Variants in H2BC18 observed in about 807,000 individuals in gnomAD.
H2BC18 encodes histone H2B type 2-F.
In H2BC18, 8 loss-of-function variants were observed where a neutral mutation model predicts 6.3. The ratio of observed to expected loss-of-function variants is 1.28; its 90% CI spans 0.75 to 2.31. The LOEUF (loss-of-function observed/expected upper bound fraction) is 2.31. Among genes scored for constraint, H2BC18 ranks in the 30% most tolerant of loss-of-function variants. The pLI, the probability that H2BC18 is intolerant of heterozygous loss-of-function variation, is 0.00. For synonymous variants in H2BC18, 104 were observed against 78.1 expected (o/e 1.33, Z -1.75); for missense variants, 106 against 174.5 (o/e 0.61, Z 2.21).
At chr1:149,784,097 T>C (rs782072609) in intron 1 of H2BC18, 1 of 1,611,546 alleles carries the variant, frequency 6.2e-7, no homozygotes, top group Non-Finnish European at 8.5e-7. Context: ...TCCATCTGCC[T>C]GGGAGCAGCT....
At chr1:149,804,842 C>T (rs1405640186) in intron 1 of H2BC18, among the ~76,000 whole-genome samples, 1 of 151,830 alleles carries the variant, frequency 6.6e-6, no homozygotes, top group Admixed American at 6.6e-5. Context: ...GGAAGCTATA[C>T]TCAAAGCTGA....
At chr1:149,803,269 T>A (rs2091889950) in intron 1 of H2BC18, among the ~76,000 whole-genome samples, 1 of 151,942 alleles carries the variant, frequency 6.6e-6, no homozygotes, top group Non-Finnish European at 1.5e-5. Flanking sequence ...ATCAAAACAT[T>A]GCAAAGGTGG....
At chr1:149,806,768 T>TG (rs1472375518) in intron 1 of H2BC18, among the ~76,000 whole-genome samples, 1 of 152,154 alleles carries the variant, frequency 6.6e-6, no homozygotes, top group Non-Finnish European at 1.5e-5. Context: ...TATCTAGGGA[T>TG]GAGCCTTTGA....
chr1:149,810,473 C>T (rs1216853540), downstream of H2BC18: 1 of 151,946 alleles, frequency 6.6e-6, no homozygotes, highest in Non-Finnish European at 1.5e-5. Flanking sequence ...TAGTAAAATT[C>T]ATTTTAAGCA....
chr1:149,784,228 G>C (rs1445953784), intron 1 of H2BC18: 5 of 1,611,056 alleles, frequency 3.1e-6, no homozygotes, highest in Non-Finnish European at 3.4e-6. Context: ...TCAGGGCGAA[G>C]TGACCCCATA....
At chr1:149,793,016 C>A in intron 1 of H2BC18, 2 of 1,266,620 alleles carry the variant, frequency 1.6e-6, no homozygotes, top group South Asian at 2.5e-5. Context: ...TCCCTCCAAC[C>A]CCGCCCCGGG....
chr1:149,793,293 C>G (rs1347453259), intron 1 of H2BC18: 3 of 1,191,080 alleles, frequency 2.5e-6, no homozygotes, highest in Non-Finnish European at 3.2e-6. Context: ...CCCGCCTCCC[C>G]GTCCAGCTCG....
At chr1:149,805,985 A>G (rs1218113095) in intron 1 of H2BC18, among the ~76,000 whole-genome samples, 2 of 152,110 alleles carry the variant, frequency 1.3e-5, no homozygotes, top group Non-Finnish European at 2.9e-5. Context: ...TAGTTGCCCC[A>G]ATTCCTGCCA....
intron 1 of H2BC18, among the ~76,000 whole-genome samples, chr1:149,784,972 G>T (rs1249156824): frequency 2.0e-5 from 3 of 151,778 alleles, no homozygotes; most frequent in Non-Finnish European, 4.4e-5. Context: ...TACATTCCGG[G>T]GGCACATTTC....
At chr1:149,802,651 A>C (rs1291855257) in intron 1 of H2BC18, among the ~76,000 whole-genome samples, 1 of 152,234 alleles carries the variant, frequency 6.6e-6, no homozygotes, top group Non-Finnish European at 1.5e-5. Flanking sequence ...AAGCTGAGGA[A>C]GAAAGAAGCC....
intron 1 of H2BC18, chr1:149,786,645 G>T (rs2102039051): frequency 6.6e-6 from 1 of 152,034 alleles, no homozygotes; most frequent in Non-Finnish European, 1.5e-5. Flanking sequence ...AGTCATGAAG[G>T]TAGGGGAATG....
At chr1:149,784,563 G>C (rs1175383053) in intron 1 of H2BC18, among the ~76,000 whole-genome samples, 2 of 151,706 alleles carry the variant, frequency 1.3e-5, no homozygotes, top group African/African-American at 4.8e-5. Flanking sequence ...TCAAACAAAT[G>C]AGCAATAATG....
Position 149,792,686 on chromosome 1 carries a change from C to T in H2BC18, c.378-9426G>A, listed in dbSNP as rs782784349. ...GCCGCAGCCGCCAGCGCCCGGGGAC[C>T]CAGCTGCGGCGAAAGCTGTTGGGCG... On this transcript the variant is annotated intron_variant, in intron 1 of 1. Coordinates refer to the H2BC18 transcript ENST00000545683. The T allele has an allele frequency of 1.2e-5, 15 of 1,280,934 alleles. 1 individual carries two copies. The Middle Eastern group carries it at 9.5e-4, about 82-fold the overall frequency. 79.3% of individuals were successfully genotyped at this position (1,280,934 alleles called of 1,614,324 possible). A position where few individuals can be genotyped will look rare whatever the true frequency, so the allele number is the denominator to read the frequency against.
At chr1:149,810,579 G>T (rs1207166672), downstream of H2BC18, 194 of 151,844 alleles carry the variant, frequency 1.3e-3, 1 homozygote, top group African/African-American at 4.3e-3. Flanking sequence ...TGCACCAAGG[G>T]TATATTTTAT....
intron 1 of H2BC18, among the ~76,000 whole-genome samples, chr1:149,796,277 T>A (rs2091799359): frequency 6.6e-6 from 1 of 152,170 alleles, no homozygotes; most frequent in Non-Finnish European, 1.5e-5. Context: ...AGTAAAAGAT[T>A]CCCAGACATA....
intron 1 of H2BC18, chr1:149,793,223 G>A (rs1553752415): frequency 4.7e-6 from 6 of 1,265,968 alleles, no homozygotes; most frequent in Non-Finnish European, 6.1e-6. Context: ...TTGGCTTGTC[G>A]CAAGAGCAGC....
At chr1:149,811,614 G>T (rs183937491), downstream of H2BC18, 311 of 390,318 alleles carry the variant, frequency 8.0e-4, 7 homozygotes, top group East Asian at 0.013. Context: ...GTTAAAGGCC[G>T]AAGGGGTGTA....
chr1:149,784,369 C>T, intron 1 of H2BC18: 1 of 1,603,638 alleles, frequency 6.2e-7, no homozygotes, highest in Non-Finnish European at 8.5e-7. Flanking sequence ...CAGGTCTCAG[C>T]ACTATGTACC....
Position 149,792,594 on chromosome 1 carries a change from C to T in H2BC18, c.378-9334G>A, listed in dbSNP as rs587649794. On this transcript the variant is annotated intron_variant, in intron 1 of 1. Coordinates refer to the H2BC18 transcript ENST00000545683. ...GGGGCGTCGCGCTCCGAGCGTGTCC[C>T]GCGGCGGGCCCCTGGCGCCACACTG... The T allele has an allele frequency of 1.1e-5, 13 of 1,204,010 alleles. No individual in the cohort carries two copies. In the Admixed American group the frequency reaches 3.7e-4, roughly 34 times the overall value. 74.6% of individuals were successfully genotyped at this position (1,204,010 alleles called of 1,614,324 possible). A position where few individuals can be genotyped will look rare whatever the true frequency, so the allele number is the denominator to read the frequency against.
Sources: gnomAD v4.1 joint callset for allele counts (sites outside exome capture counted in the v4.1 genomes callset) on GRCh38, gnomAD v4.1.1 for gene constraint, MANE v1.5 for transcripts, NCBI Gene and HGNC (gene_info 2026-07-23, HGNC 2026-07-21) for gene names.